DCHS2: variants seen among roughly 807,000 people sequenced by gnomAD.
The protein encoded by DCHS2 is protocadherin-23.
A neutral mutation model predicts 182.4 loss-of-function variants in DCHS2; 142 were observed. The observed-to-expected ratio is 0.78, with a 90% confidence interval of 0.68 to 0.89. The LOEUF is 0.89. DCHS2 is among the 40% of genes least tolerant of loss of function. The pLI is 0.00. For missense variants in DCHS2, 4,319 were observed against 4,198.6 expected (o/e 1.03, Z -0.79); for synonymous variants, 1,740 against 1,663.3 (o/e 1.05, Z -1.12).
At chr4:154,356,556 A>G (rs1729880706) in intron 3 of DCHS2, among the ~76,000 whole-genome samples, 1 of 152,190 alleles carries the variant, frequency 6.6e-6, no homozygotes, top group Non-Finnish European at 1.5e-5. Flanking sequence ...CTTTATTCAT[A>G]ATCAGTGCCC....
intron 1 of DCHS2, among the ~76,000 whole-genome samples, chr4:154,443,150 C>A (rs1386440495): frequency 3.3e-5 from 5 of 152,106 alleles, no homozygotes; most frequent in Non-Finnish European, 2.9e-5. Flanking sequence ...CTGTTAAAGT[C>A]ACCCCCATGC....
intron 16 of DCHS2, among the ~76,000 whole-genome samples, chr4:154,251,647 T>C (rs1732365680): frequency 6.6e-6 from 1 of 152,232 alleles, no homozygotes; most frequent in African/African-American, 2.4e-5. Flanking sequence ...GCCTCCCGAG[T>C]AGCTGGGATT....
chr4:154,417,204 T>TGTGTGA (rs1560745908), intron 1 of DCHS2, among the ~76,000 whole-genome samples: 17 of 39,494 alleles, frequency 4.3e-4, no homozygotes, highest in South Asian at 3.9e-3. Context: ...TGTGTGTGTG[T>TGTGTGA]GAGAGAGAGA....
At chr4:154,257,623 C>T (rs139249888) in intron 15 of DCHS2, among the ~76,000 whole-genome samples, 2 of 152,186 alleles carry the variant, frequency 1.3e-5, no homozygotes, top group African/African-American at 4.8e-5. Context: ...AGGGTCAGAC[C>T]CTCAAAGGAG....
At chr4:154,394,605 T>C (rs1257930560) in intron 1 of DCHS2, among the ~76,000 whole-genome samples, 2 of 152,212 alleles carry the variant, frequency 1.3e-5, no homozygotes, top group Non-Finnish European at 2.9e-5. Flanking sequence ...AGTAGCTCGA[T>C]AATCCTATCA....
rs141559716 is a variant in DCHS2 at position 154,315,785 on chromosome 4, C to G, written c.5223G>C (p.Glu1741Asp). Residue 1741 changes from glutamate to aspartate, a missense_variant, in exon 10 of 20, where the codon GAG becomes GAC. By Grantham distance (45) the Glu-to-Asp change is conservative. Coordinates refer to ENST00000357232, the MANE Select transcript of DCHS2 (RefSeq NM_001358235.2). ...CCAGAGCTTCAACCCTGGTAACAAACTCCCCTGGATTTTGGTTTTCTTTCA... is the reference window on the plus strand; with the variant it reads ...CCAGAGCTTCAACCCTGGTAACAAAGTCCCCTGGATTTTGGTTTTCTTTCA... ...ASVKENQNPG[E>D]FVTRVEALDR... is the part of the protein sequence containing the mutation. 3 of 1,614,050 alleles carry G rather than the reference C, an allele frequency of 1.9e-6. No individual in the cohort carries two copies. Among genetic ancestry groups the G allele is most frequent in the Non-Finnish European group, 2.5e-6 (3 of 1,179,962 alleles).
chr4:154,452,914 G>A (rs1734599155), intron 1 of DCHS2, among the ~76,000 whole-genome samples: 1 of 152,152 alleles, frequency 6.6e-6, no homozygotes, highest in East Asian at 1.9e-4. Flanking sequence ...ACATCTCAAA[G>A]GACACAGTAA....
chr4:154,389,032 A>G lies in DCHS2; in HGVS notation c.2053-11588T>C, dbSNP rs1731549811. 2.0e-5 allele frequency among the ~76,000 whole-genome samples: 3 copies of G among 152,210 alleles called. No individual in the cohort carries two copies. In the South Asian group the frequency reaches 6.2e-4, roughly 32 times the overall value. On this transcript the variant is annotated intron_variant, in intron 1 of 19. Coordinates refer to ENST00000357232, the MANE Select transcript of DCHS2 (RefSeq NM_001358235.2). The stretch of plus-strand genomic sequence containing the variant: ...GGGGTGAGCAAGGGCCGGACAGTAA[A>G]TATTTTAGGCTGCACAAGCCATAAA...
chr4:154,417,276 T>A (rs1296969377), intron 1 of DCHS2, among the ~76,000 whole-genome samples: 5 of 138,450 alleles, frequency 3.6e-5, no homozygotes, highest in Admixed American at 1.5e-4. Context: ...CTGGGAGTCA[T>A]TCTTCCCGTT....
chr4:154,320,603 C>T lies in DCHS2; in HGVS notation c.4796G>A (p.Arg1599Gln), dbSNP rs776581074. 8.1e-5 allele frequency: 131 copies of T among 1,613,898 alleles called. 2 individuals are homozygous for T. In the South Asian group the frequency reaches 1.0e-3, roughly 12 times the overall value. Residue 1599 changes from arginine to glutamine, a missense_variant, in exon 9 of 20, where the codon CGG (arginine) becomes CAG (glutamine). Arg to Gln is a conservative substitution (Grantham distance 43). Coordinates refer to ENST00000357232, the MANE Select transcript of DCHS2 (RefSeq NM_001358235.2). ...TTGTGCTGTCAGTGATCTCAGTCGC[C>T]GGTCTGTCACATTCACAGCCTGATC... is the stretch of plus-strand genomic sequence containing the variant. ...ASDQAVNVTD[R>Q]RLRSLTAQIV... is the part of the protein sequence containing the mutation.
At chr4:154,477,906 C>T (rs1289361527) in intron 1 of DCHS2, among the ~76,000 whole-genome samples, 3 of 152,132 alleles carry the variant, frequency 2.0e-5, no homozygotes, top group Non-Finnish European at 4.4e-5. Flanking sequence ...CCTAGTCAAT[C>T]CCAAATAGGG....
rs199596538 is a variant in DCHS2, at chr4:154,298,649, G to A, written c.5665C>T (p.Arg1889Cys). ...NEMSGELSTT[R>C]ALDREQISNF... The stretch of plus-strand genomic sequence containing the variant: ...CTGATTTGCTCCCGGTCCAAAGCAC[G>A]AGTGGTTGAGAGTTCTCCTGACATC... The change falls in exon 13 of 20, where the codon CGT becomes TGT. Residue 1889 changes from arginine to cysteine, a missense_variant. Transcript: ENST00000357232. 5.3e-5 allele frequency: 86 copies of A among 1,612,900 alleles called. No individual in the cohort carries two copies. The Middle Eastern group carries it at 9.9e-4, about 19-fold the overall frequency.
At chr4:154,375,305 G>A (rs1023754316) in intron 2 of DCHS2, among the ~76,000 whole-genome samples, 3 of 151,940 alleles carry the variant, frequency 2.0e-5, no homozygotes, top group Non-Finnish European at 2.9e-5. Context: ...GCTATAAAAG[G>A]AAGCAAACTG....
In DCHS2 at chr4:154,255,673, G is replaced by C. The variant is rs748964837; in HGVS notation, c.6790-3C>G. On this transcript the variant is annotated splice_region_variant and splice_polypyrimidine_tract_variant and intron_variant, in intron 15 of 19. Transcript: ENST00000357232. ...CTGTCCAAGTCGGTAGCAAAAACCT[G>C]TGAGGAACCGACTGTTTCATTAGAT... 1.7e-5 allele frequency: 27 copies of C among 1,611,320 alleles called. No homozygotes were observed. The South Asian group carries it at 3.0e-4, about 18-fold the overall frequency.
chr4:154,304,993 A>G, intron 11 of DCHS2, 104 bp downstream of exon 11: 1 of 1,504,598 alleles, frequency 6.6e-7, no homozygotes, highest in Non-Finnish European at 8.8e-7. Flanking sequence ...ATAATATTTT[A>G]TTTAAAAACA....
At chr4:154,411,123 A>T (rs1378871493) in intron 1 of DCHS2, among the ~76,000 whole-genome samples, 1 of 152,230 alleles carries the variant, frequency 6.6e-6, no homozygotes, top group African/African-American at 2.4e-5. Flanking sequence ...TAAATCAAAG[A>T]AGTCAGACAC....
At chr4:154,484,269 G>T (rs1437196668) in intron 1 of DCHS2, among the ~76,000 whole-genome samples, 6 of 152,112 alleles carry the variant, frequency 3.9e-5, no homozygotes, top group African/African-American at 1.4e-4. Context: ...GTTATTACAA[G>T]AGACTCAGAA....
intron 19 of DCHS2, among the ~76,000 whole-genome samples, chr4:154,238,505 A>C (rs1267697255): frequency 6.6e-6 from 1 of 152,174 alleles, no homozygotes; most frequent in Non-Finnish European, 1.5e-5. Flanking sequence ...CTTTTAAATT[A>C]AATTAAATGT....
chr4:154,434,626 C>G (rs778903972), intron 1 of DCHS2, among the ~76,000 whole-genome samples: 6 of 152,144 alleles, frequency 3.9e-5, no homozygotes, highest in African/African-American at 1.2e-4. Context: ...TATAACTAAC[C>G]TGTACCTATA....
Sources: gnomAD v4.1 joint callset for allele counts (sites outside exome capture counted in the v4.1 genomes callset) on GRCh38, gnomAD v4.1.1 for gene constraint, MANE v1.5 for transcripts, NCBI Gene and HGNC (gene_info 2026-07-23, HGNC 2026-07-21) for gene names.